Variants in CTNNAL1 observed in about 807,000 individuals in gnomAD.
The protein encoded by CTNNAL1 is alpha-catulin.
In CTNNAL1, 69 loss-of-function variants were observed where a neutral mutation model predicts 93.6. The observed-to-expected ratio is 0.74, with a 90% confidence interval of 0.61 to 0.90. The LOEUF is 0.90. Among genes scored for constraint, CTNNAL1 ranks in the 40% least tolerant of loss-of-function variants. The pLI is 0.00. For missense variants in CTNNAL1, 836 were observed against 862.0 expected, an observed-to-expected ratio of 0.97 and a Z score of 0.38; for synonymous variants, 286 against 305.4, an observed-to-expected ratio of 0.94 and a Z score of 0.66.
chr9:108,980,097 T>C (rs578090142), intron 6 of CTNNAL1, among the ~76,000 whole-genome samples: 11 of 152,330 alleles, frequency 7.2e-5, no homozygotes, highest in Admixed American at 2.6e-4. Flanking sequence ...CTCCCTCTAA[T>C]AGTTCCTCGC....
Position 108,942,793 on chromosome 9 carries a change from C to T in CTNNAL1, c.2181G>A (p.Lys727=). The change falls in exon 19 of 19, where the codon AAG becomes AAA. Residue 727 remains lysine (K), a synonymous_variant. Transcript: ENST00000325551. Reference sequence around the variant, plus strand: ...CTCAAGTTTTACTATCCATAGTGTCCTTATTTGTAACTGAGACCCATCCGT... The same window carrying T: ...CTCAAGTTTTACTATCCATAGTGTCTTTATTTGTAACTGAGACCCATCCGT... ...ENNGWVSVTN[K]DTMDSKT 2 of 1,612,822 alleles carry T rather than the reference C, an allele frequency of 1.2e-6. No homozygotes were observed. The highest frequency in any genetic ancestry group is 1.7e-6 in the Non-Finnish European group (2 of 1,179,096).
chr9:108,983,073 A>G (rs1427037779), intron 6 of CTNNAL1, 72 bp downstream of exon 6: 10 of 1,218,074 alleles, frequency 8.2e-6, no homozygotes, highest in Middle Eastern at 3.2e-4. Context: ...GCGAGACTCC[A>G]TCTCAAAAAA....
chr9:108,996,168 T>C (rs1053004254), intron 2 of CTNNAL1, among the ~76,000 whole-genome samples: 24 of 152,238 alleles, frequency 1.6e-4, no homozygotes, highest in African/African-American at 5.5e-4. Flanking sequence ...GGACTCATTA[T>C]GTTGCCCAGG....
intron 1 of CTNNAL1, among the ~76,000 whole-genome samples, chr9:109,002,547 G>T (rs1017443044): frequency 2.6e-5 from 4 of 152,182 alleles, no homozygotes; most frequent in African/African-American, 9.7e-5. Flanking sequence ...TGAACTGGGA[G>T]ATCTAACTAA....
chr9:108,974,376 GT>G (rs772368935), intron 8 of CTNNAL1, among the ~76,000 whole-genome samples: 6 of 151,762 alleles, frequency 4.0e-5, no homozygotes, highest in East Asian at 3.9e-4. Context: ...GTTTTGTTTT[GT>G]TTTTTTCCTT....
At chr9:108,948,405 G>A (rs1830465947) in intron 14 of CTNNAL1, among the ~76,000 whole-genome samples, 171 bp from the exon 15 acceptor site, 1 of 152,052 alleles carries the variant, frequency 6.6e-6, no homozygotes, top group African/African-American at 2.4e-5. Flanking sequence ...TTTAATATTT[G>A]ACAATTATTT....
At chr9:109,007,047 C>T (rs1827049792) in intron 1 of CTNNAL1, among the ~76,000 whole-genome samples, 1 of 152,026 alleles carries the variant, frequency 6.6e-6, no homozygotes, top group African/African-American at 2.4e-5. Flanking sequence ...GGTGAAACTC[C>T]ATCTCTACAA....
intron 9 of CTNNAL1, among the ~76,000 whole-genome samples, chr9:108,971,579 C>T (rs1831119090): frequency 6.6e-6 from 1 of 152,218 alleles, no homozygotes; most frequent in Non-Finnish European, 1.5e-5. Context: ...AGTTCCCCCC[C>T]TGTACATACT....
At chr9:109,012,201 A>G (rs1487203423) in intron 1 of CTNNAL1, among the ~76,000 whole-genome samples, 2 of 151,412 alleles carry the variant, frequency 1.3e-5, no homozygotes, top group African/African-American at 4.9e-5. Context: ...CTGTTTTCAA[A>G]TATGCGCAGG....
rs73526148 is a variant in CTNNAL1 at position 108,960,478 on chromosome 9, C to T, written c.1592-4651G>A. Among the ~76,000 whole-genome samples the T allele has an allele frequency of 9.8e-3, 1,495 of 152,010 alleles. 35 individuals carry two copies. Among genetic ancestry groups the T allele is most frequent in the African/African-American group, 0.034 (1,413 of 41,436 alleles). ...TTTTAGTGGCATCCAATCTGCCAAA[C>T]GATAATGTAAATGCAGGGCTATGAA... On this transcript the variant is annotated intron_variant, in intron 11 of 18. Coordinates refer to ENST00000325551, the MANE Select transcript of CTNNAL1 (RefSeq NM_003798.4).
intron 14 of CTNNAL1, among the ~76,000 whole-genome samples, chr9:108,951,207 G>A (rs1830556221): frequency 6.7e-6 from 1 of 149,818 alleles, no homozygotes; most frequent in African/African-American, 2.5e-5. Flanking sequence ...AGTAGACACC[G>A]GGTTTCAGTG....
At chr9:109,007,253 A>G (rs1827059158) in intron 1 of CTNNAL1, among the ~76,000 whole-genome samples, 1 of 152,146 alleles carries the variant, frequency 6.6e-6, no homozygotes. Context: ...AAAAAAAGAA[A>G]AAAAAACACG....
intron 11 of CTNNAL1, among the ~76,000 whole-genome samples, chr9:108,964,874 A>T (rs1023269741): frequency 1.3e-5 from 2 of 151,224 alleles, no homozygotes; most frequent in Non-Finnish European, 2.9e-5. Context: ...TTATTTATTT[A>T]TTTTTTGAGA....
chr9:108,984,473 C>T (rs764334615), intron 4 of CTNNAL1, 37 bp from the exon 5 acceptor site: 3 of 1,165,372 alleles, frequency 2.6e-6, no homozygotes, highest in Non-Finnish European at 3.8e-6. Flanking sequence ...AGTCTAAGAC[C>T]ATGTGAACAA....
At position 108,983,206 on chromosome 9, in the gene CTNNAL1, T is replaced by C. The variant is rs1831490269; in HGVS notation, c.839A>G (p.Lys280Arg). The C allele has an allele frequency of 1.3e-6, 2 of 1,590,740 alleles. No homozygotes were observed. The highest frequency in any genetic ancestry group is 1.7e-5 in the Admixed American group (1 of 57,388). ...DKVIEIVTDC[K>R]PNGETDISSI... Reference sequence around the variant, plus strand: ...TGAAATGTCAGTCTCTCCATTCGGTTTACAGTCAGTCACAATTTCAATGAC... The same window carrying C: ...TGAAATGTCAGTCTCTCCATTCGGTCTACAGTCAGTCACAATTTCAATGAC... Residue 280 changes from lysine (K) to arginine (R), a missense_variant, in exon 6 of 19, where the codon AAA (lysine) becomes AGA (arginine). Coordinates refer to ENST00000325551, the MANE Select transcript of CTNNAL1 (RefSeq NM_003798.4).
intron 1 of CTNNAL1, among the ~76,000 whole-genome samples, chr9:109,003,183 C>T (rs571543937): frequency 1.3e-5 from 2 of 152,254 alleles, no homozygotes; most frequent in South Asian, 4.1e-4. Context: ...CAACAGATCT[C>T]CCAAGAAGCC....
At chr9:109,001,559 ACT>A (rs894665089) in intron 1 of CTNNAL1, among the ~76,000 whole-genome samples, 11 of 152,084 alleles carry the variant, frequency 7.2e-5, no homozygotes, top group Non-Finnish European at 1.6e-4. Flanking sequence ...TCACTCACTC[ACT>A]CTCTGCAGGA....
rs143818505 is a variant in CTNNAL1, at chr9:108,957,602, A to G, written c.1592-1775T>C. 6.7e-4 allele frequency among the ~76,000 whole-genome samples: 102 copies of G among 152,316 alleles called. 3 individuals carry two copies. The highest frequency in any genetic ancestry group is 2.4e-3 in the African/African-American group (99 of 41,574). On this transcript the variant is annotated intron_variant, in intron 11 of 18. Coordinates refer to ENST00000325551, the MANE Select transcript of CTNNAL1 (RefSeq NM_003798.4). ...TATTAATTAATGGCTTTCTGATTTC[A>G]GAATGGTGAGGGGAAAAAACTTAAA...
intron 11 of CTNNAL1, among the ~76,000 whole-genome samples, chr9:108,956,993 T>C (rs1303801768): frequency 1.3e-5 from 2 of 151,622 alleles, no homozygotes; most frequent in Non-Finnish European, 2.9e-5. Context: ...AATATATTAA[T>C]TTAAAATATT....
Sources: gnomAD v4.1 joint callset for allele counts (sites outside exome capture counted in the v4.1 genomes callset) on GRCh38, gnomAD v4.1.1 for gene constraint, MANE v1.5 for transcripts, NCBI Gene and HGNC (gene_info 2026-07-23, HGNC 2026-07-21) for gene names.